ABCA9: variants seen among roughly 807,000 people sequenced by gnomAD.
ABCA9 encodes ATP-binding cassette sub-family A member 9.
In ABCA9, 183 loss-of-function variants were observed where a neutral mutation model predicts 205.3. That is an observed-to-expected ratio of 0.89 (90% CI 0.79 to 1.01). ABCA9 has a LOEUF of 1.01. Ranked by LOEUF, ABCA9 falls within the 50% of genes least tolerant of loss-of-function variation. ABCA9 has a pLI of 0.00. For synonymous variants in ABCA9, 651 were observed against 683.3 expected (o/e 0.95, Z 0.74); for missense variants, 1,805 against 1,912.4 (o/e 0.94, Z 1.05).
At chr17:69,072,610 A>C in the ABCA9 span, among the ~76,000 whole-genome samples, 1 of 149,904 alleles carries the variant, frequency 6.7e-6, no homozygotes, top group Non-Finnish European at 1.5e-5. Flanking sequence ...TAAATATGGA[A>C]AGGAAAAACT....
intron 37 of ABCA9, among the ~76,000 whole-genome samples, chr17:68,981,597 A>C (rs773936848): frequency 6.6e-6 from 1 of 152,060 alleles, no homozygotes; most frequent in Non-Finnish European, 1.5e-5. Context: ...TATTTGGGTG[A>C]TCCTAACCCT....
intron 3 of ABCA9, among the ~76,000 whole-genome samples, chr17:69,048,399 T>C (rs1266053544): frequency 1.4e-5 from 2 of 147,808 alleles, no homozygotes; most frequent in African/African-American, 2.5e-5. Flanking sequence ...ATATTTTTCA[T>C]TTAATAACTT....
At chr17:68,977,828 GC>G (rs1336842899) in intron 37 of ABCA9, among the ~76,000 whole-genome samples, 1 of 152,204 alleles carries the variant, frequency 6.6e-6, no homozygotes, top group Non-Finnish European at 1.5e-5. Flanking sequence ...ACATATTGGA[GC>G]AAGAAACTCT....
upstream of ABCA9, among the ~76,000 whole-genome samples, chr17:69,064,341 G>GT (rs1326372870): frequency 3.3e-5 from 5 of 152,112 alleles, no homozygotes; most frequent in African/African-American, 9.7e-5. Flanking sequence ...GTTAACAAAC[G>GT]TATCAGGATC....
In ABCA9 at chr17:68,993,054, C is replaced by T. The variant is rs200932925; in HGVS notation, c.3586G>A (p.Ala1196Thr). ...ISPDSMDYLGASESEIVYLAL... is the reference protein window; with the variant it reads ...ISPDSMDYLGTSESEIVYLAL... Reference sequence around the variant, plus strand: ...AGGTATACAATTTCAGATTCTGAAGCTCCTAAGTAATCCATGGAATCAGGA... The same window carrying T: ...AGGTATACAATTTCAGATTCTGAAGTTCCTAAGTAATCCATGGAATCAGGA... Residue 1196 changes from alanine to threonine, a missense_variant, in exon 27 of 39, where the codon GCT becomes ACT. Ala to Thr is a moderately conservative substitution (Grantham distance 58). Coordinates refer to ENST00000340001, the MANE Select transcript of ABCA9 (RefSeq NM_080283.4). The T allele has an allele frequency of 2.3e-4, 376 of 1,613,684 alleles. 3 individuals carry two copies. Among genetic ancestry groups the T allele is most frequent in the Admixed American group, 1.3e-3 (80 of 59,996 alleles).
intron 1 of ABCA9, among the ~76,000 whole-genome samples, chr17:69,054,664 C>T (rs1429568784): frequency 6.6e-6 from 1 of 151,538 alleles, no homozygotes; most frequent in East Asian, 1.9e-4. Context: ...AAAATAATAG[C>T]AATGTATTCA....
intron 22 of ABCA9, among the ~76,000 whole-genome samples, 170 bp downstream of exon 22, chr17:69,016,083 C>T: frequency 7.5e-6 from 1 of 134,070 alleles, no homozygotes; most frequent in Non-Finnish European, 1.6e-5. Context: ...ATATTGCACA[C>T]AGATTTATAT....
At chr17:69,061,122 GC>G (rs769024473), upstream of ABCA9, 13 of 985,226 alleles carry the variant, frequency 1.3e-5, no homozygotes, top group African/African-American at 1.9e-4. Context: ...TAGTTACTCA[GC>G]AGGGAGTTTG....
Position 68,983,699 on chromosome 17 carries a change from C to A in ABCA9, c.4640+10G>T. ...CAAGGACTGTGATAAAACAAAACAC[C>A]TGTGTCTACCTTTCCTGCTGAGCAG... On this transcript the variant is annotated intron_variant, in intron 36 of 38. Coordinates refer to ENST00000340001, the MANE Select transcript of ABCA9 (RefSeq NM_080283.4). 2.5e-6 allele frequency: 4 copies of A among 1,613,370 alleles called. No individual in the cohort carries two copies. The highest frequency in any genetic ancestry group is 3.4e-6 in the Non-Finnish European group (4 of 1,179,774).
chr17:68,979,194 T>G lies in ABCA9; in HGVS notation c.4721-3004A>C, dbSNP rs372058043. On this transcript the variant is annotated intron_variant, in intron 37 of 38. Transcript: ENST00000340001. ...AACTCCCATTCACAATTGCTTCAAA[T>G]AGAATAAAATACCTAGGAATCCAAC... Among the ~76,000 whole-genome samples, 1,118 of 152,034 alleles carry G rather than the reference T, an allele frequency of 7.4e-3. 2 individuals are homozygous for G. Among genetic ancestry groups the G allele is most frequent in the Non-Finnish European group, 0.013 (868 of 67,954 alleles).
At chr17:68,998,869 C>T (rs1020477674) in intron 25 of ABCA9, among the ~76,000 whole-genome samples, 1 of 151,236 alleles carries the variant, frequency 6.6e-6, no homozygotes, top group African/African-American at 2.4e-5. Flanking sequence ...ATCATTGTGA[C>T]TCTGAGCTTT....
chr17:69,041,441 C>A (rs1303829125), intron 6 of ABCA9, among the ~76,000 whole-genome samples: 1 of 152,116 alleles, frequency 6.6e-6, no homozygotes, highest in Non-Finnish European at 1.5e-5. Flanking sequence ...TGGCGGCTCA[C>A]ACCTGTAATC....
intron 25 of ABCA9, among the ~76,000 whole-genome samples, chr17:68,996,942 T>A (rs1191073421): frequency 6.6e-6 from 1 of 152,246 alleles, no homozygotes; most frequent in East Asian, 1.9e-4. Flanking sequence ...TTTTTCTTCT[T>A]CTTTTTGATG....
rs2068863062 is a variant in ABCA9 at position 68,975,084 on chromosome 17, A to G, written c.*831T>C. 1 of 151,636 alleles carries G rather than the reference A, an allele frequency of 6.6e-6. No homozygotes were observed. Among genetic ancestry groups the G allele is most frequent in the Admixed American group, 6.6e-5 (1 of 15,216 alleles). The allele number at this position is 151,636 out of a possible 1,614,324, so 9.4% of individuals were successfully genotyped here. On this transcript the variant is annotated 3_prime_UTR_variant, in exon 39 of 39. Coordinates refer to ENST00000340001, the MANE Select transcript of ABCA9 (RefSeq NM_080283.4). ...TATTCTCATTGTTCAATTCCCACTTATGAGTGAGAACATGCGGTGTTTGGT... is the reference window on the plus strand; with the variant it reads ...TATTCTCATTGTTCAATTCCCACTTGTGAGTGAGAACATGCGGTGTTTGGT...
chr17:68,984,916 C>A lies in ABCA9; in HGVS notation c.4348G>T (p.Gly1450Trp), dbSNP rs761637364. 6.2e-7 allele frequency: 1 copy of A among 1,614,148 alleles called. No homozygotes were observed. Among genetic ancestry groups the A allele is most frequent in the South Asian group, 1.1e-5 (1 of 91,080 alleles). The change falls in exon 34 of 39, where the codon GGG becomes TGG. Residue 1450 changes from glycine (G) to tryptophan (W), a missense_variant. Coordinates refer to ENST00000340001, the MANE Select transcript of ABCA9 (RefSeq NM_080283.4). ...SVVLLDEPST[G>W]MDPEGQQQMW... is the part of the protein sequence containing the mutation. ...TGCTGCTGCCCCTCGGGGTCCATCC[C>A]GGTCGACGGCTCATCCAGAAGCACC...
chr17:69,077,234 T>C, the ABCA9 span, among the ~76,000 whole-genome samples: 9 of 152,200 alleles, frequency 5.9e-5, no homozygotes, highest in South Asian at 1.9e-3. Context: ...TTTCAAAAAA[T>C]TTTTTTTAAT....
intron 23 of ABCA9, among the ~76,000 whole-genome samples, chr17:69,009,750 G>C (rs943683923): frequency 2.6e-5 from 4 of 152,122 alleles, no homozygotes; most frequent in Non-Finnish European, 4.4e-5. Context: ...TTTTGTAGGA[G>C]AGATGGAGGA....
At chr17:69,012,367 G>C in intron 22 of ABCA9, 1 of 280,550 alleles carries the variant, frequency 3.6e-6, no homozygotes, top group Non-Finnish European at 6.6e-6. Context: ...GGCATGAAAC[G>C]TCTTTTCTCT....
chr17:68,982,496 C>T lies in ABCA9; in HGVS notation c.4720+66G>A, dbSNP rs2069089555. The stretch of plus-strand genomic sequence containing the variant: ...TCTATGTTTATGTATTTTTAAAATA[C>T]TGGTTCTATGTCAGATTTAGGCTTA... On this transcript the variant is annotated intron_variant, in intron 37 of 38. Transcript: ENST00000340001. 16 of 1,197,658 alleles carry T rather than the reference C, an allele frequency of 1.3e-5. No individual in the cohort carries two copies. The South Asian group carries it at 1.9e-4, about 14-fold the overall frequency. The allele number at this position is 1,197,658 out of a possible 1,614,324, so 74.2% of individuals were successfully genotyped here.
Sources: gnomAD v4.1 joint callset for allele counts (sites outside exome capture counted in the v4.1 genomes callset) on GRCh38, gnomAD v4.1.1 for gene constraint, MANE v1.5 for transcripts, NCBI Gene and HGNC (gene_info 2026-07-23, HGNC 2026-07-21) for gene names.